The following USB1 variants were observed in gnomAD, a reference collection of about 807,000 sequenced individuals.
The protein encoded by USB1 is U6 snRNA biogenesis phosphodiesterase 1.
A neutral mutation model predicts 29.9 loss-of-function variants in USB1; 21 were observed. The observed-to-expected ratio is 0.70, with a 90% CI of 0.50 to 1.01. The LOEUF is 1.01. Among genes scored for constraint, USB1 ranks in the 50% least tolerant of loss-of-function variants. The pLI, the probability that USB1 is intolerant of heterozygous loss-of-function variation, is 0.00. For synonymous variants in USB1, 143 were observed against 134.9 expected (o/e 1.06, Z -0.42); for missense variants, 330 against 347.1 (o/e 0.95, Z 0.39).
intron 1 of USB1, among the ~76,000 whole-genome samples, chr16:58,001,943 C>G (rs973059775): frequency 8.5e-5 from 13 of 152,208 alleles, no homozygotes; most frequent in African/African-American, 2.9e-4. Context: ...CCTTTTCATT[C>G]ATCCAGTAAA....
chr16:58,006,478 CG>C (rs901775356), intron 2 of USB1, among the ~76,000 whole-genome samples: 4 of 4,516 alleles, frequency 8.9e-4, no homozygotes, highest in East Asian at 0.17. Context: ...GCCAACATGG[CG>C]AAACCCCCAT....
chr16:58,017,794 A>G (rs1281468770), intron 5 of USB1, among the ~76,000 whole-genome samples: 1 of 152,172 alleles, frequency 6.6e-6, no homozygotes, highest in African/African-American at 2.4e-5. Flanking sequence ...GTAGCTTCAC[A>G]CACCTTCCTG....
At chr16:58,007,813 T>C (rs1963396422) in intron 2 of USB1, among the ~76,000 whole-genome samples, 1 of 151,834 alleles carries the variant, frequency 6.6e-6, no homozygotes. Context: ...ACCCTGTCTT[T>C]ACTAAAAAAA....
In USB1 at chr16:58,013,110, C is replaced by A; in HGVS notation, c.450-1163C>A. On this transcript the variant is annotated intron_variant, in intron 3 of 6. Coordinates refer to ENST00000219281, the MANE Select transcript of USB1 (RefSeq NM_024598.4). The surrounding 1 kb of genome is among the most constrained non-coding windows in gnomAD (Gnocchi z 4.3). Reference sequence around the variant, plus strand: ...AGGTGACCAAGAGTGGGCGGTGCACCCCTGATTCTGTTGCTGTGACTGAGG... The same window carrying A: ...AGGTGACCAAGAGTGGGCGGTGCACACCTGATTCTGTTGCTGTGACTGAGG... 1 of 985,472 alleles carries A rather than the reference C, an allele frequency of 1.0e-6. No homozygotes were observed. Among genetic ancestry groups the A allele is most frequent in the Non-Finnish European group, 1.2e-6 (1 of 830,028 alleles). The allele number at this position is 985,472 out of a possible 1,614,324, so 61.0% of individuals were successfully genotyped here.
At chr16:58,004,822 C>A (rs1487914832) in intron 2 of USB1, among the ~76,000 whole-genome samples, 1 of 152,106 alleles carries the variant, frequency 6.6e-6, no homozygotes, top group Non-Finnish European at 1.5e-5. Context: ...AATAAAGACA[C>A]AAGACAAAGA....
chr16:58,008,074 T>C (rs1440728999), intron 2 of USB1, among the ~76,000 whole-genome samples: 1 of 152,252 alleles, frequency 6.6e-6, no homozygotes, highest in Non-Finnish European at 1.5e-5. Context: ...ATCGGGTCTT[T>C]CAAGGAATTG....
chr16:58,018,472 C>T (rs1963668358), intron 5 of USB1, among the ~76,000 whole-genome samples: 1 of 152,106 alleles, frequency 6.6e-6, no homozygotes, highest in Non-Finnish European at 1.5e-5. Context: ...GATCTGCCTG[C>T]CTTGGCCTCT....
At chr16:58,009,112 G>A (rs967919468) in intron 2 of USB1, among the ~76,000 whole-genome samples, 4 of 152,062 alleles carry the variant, frequency 2.6e-5, no homozygotes, top group Admixed American at 2.0e-4. Flanking sequence ...ATTTTTCCTC[G>A]ATAGCTGGAC....
Position 58,001,449 on chromosome 16 carries a change from G to T in USB1, c.-35G>T. ...ACTCCGGGTGCCGGTTGAGGTTGCT[G>T]GTGGACCTGCTCTGGTGGTCTTGGA... On this transcript the variant is annotated 5_prime_UTR_variant, in exon 1 of 7. Coordinates refer to ENST00000219281, the MANE Select transcript of USB1 (RefSeq NM_024598.4). 6.4e-7 allele frequency: 1 copy of T among 1,572,756 alleles called. No individual in the cohort carries two copies. The highest frequency in any genetic ancestry group is 1.2e-5 in the South Asian group (1 of 85,836).
At chr16:58,008,473 T>G (rs1332754601) in intron 2 of USB1, among the ~76,000 whole-genome samples, 3 of 79,376 alleles carry the variant, frequency 3.8e-5, no homozygotes, top group Non-Finnish European at 8.8e-5. Flanking sequence ...TTTTTTTTTG[T>G]GAGGGAGCCT....
chr16:58,001,712 A>G, intron 1 of USB1, 131 bp downstream of exon 1: 2 of 1,082,304 alleles, frequency 1.8e-6, no homozygotes, highest in Non-Finnish European at 2.8e-6. Flanking sequence ...GGACGCAGGA[A>G]GAAAGGAGGA....
At chr16:58,008,641 C>CG (rs1362216119) in intron 2 of USB1, among the ~76,000 whole-genome samples, 1 of 151,812 alleles carries the variant, frequency 6.6e-6, no homozygotes, top group Non-Finnish European at 1.5e-5. Context: ...TTAGTAGAGA[C>CG]GGGGTGTCAC....
rs1446965075 is a variant in USB1, at chr16:58,020,997, T to C, written c.*752T>C. On this transcript the variant is annotated 3_prime_UTR_variant, in exon 7 of 7. Transcript: ENST00000219281. ...TTCACTTCCTCTCCCACTTCAGCAATTTGTATTTTGATGCCATTGGCCTCA... is the reference window on the plus strand; with the variant it reads ...TTCACTTCCTCTCCCACTTCAGCAACTTGTATTTTGATGCCATTGGCCTCA... 6.5e-6 allele frequency: 1 copy of C among 153,588 alleles called. No homozygotes were observed. Among genetic ancestry groups the C allele is most frequent in the Admixed American group, 6.4e-5 (1 of 15,604 alleles). 9.5% of individuals were successfully genotyped at this position (153,588 alleles called of 1,614,324 possible). A position where few individuals can be genotyped will look rare whatever the true frequency, so the allele number is the denominator to read the frequency against.
chr16:58,012,434 C>G, intron 3 of USB1: 1 of 1,257,314 alleles, frequency 8.0e-7, no homozygotes, highest in Non-Finnish European at 1.1e-6. Context: ...CATGAGTGGA[C>G]CGGGGTGACA....
chr16:58,013,297 T>C lies in USB1; in HGVS notation c.450-976T>C, dbSNP rs1370496261. 1.0e-6 allele frequency: 1 copy of C among 985,344 alleles called. No individual in the cohort carries two copies. The highest frequency in any genetic ancestry group is 1.7e-5 in the African/African-American group (1 of 57,244). 61.0% of individuals were successfully genotyped at this position (985,344 alleles called of 1,614,324 possible). A position where few individuals can be genotyped will look rare whatever the true frequency, so the allele number is the denominator to read the frequency against. ...TGGGAGACACCTTGAGAACTCTTCC[T>C]AAAAGCTGCACTTAACCAAGCTCCT... On this transcript the variant is annotated intron_variant, in intron 3 of 6. Transcript: ENST00000219281. This position sits in a 1 kb window ranked among gnomAD's most constrained non-coding sequence, Gnocchi z 4.3.
upstream of USB1, among the ~76,000 whole-genome samples, chr16:58,000,219 G>A (rs189840): frequency 2.4e-4 from 37 of 152,200 alleles, no homozygotes; most frequent in Admixed American, 6.5e-4. The surrounding 1 kb of genome is among the most constrained non-coding windows in gnomAD (Gnocchi z 4.5). Flanking sequence ...AAAGGCCCCA[G>A]GGCTACAGGC....
upstream of USB1, among the ~76,000 whole-genome samples, chr16:58,000,104 C>T (rs1218442629): frequency 6.6e-6 from 1 of 152,298 alleles, no homozygotes. The surrounding 1 kb of genome is among the most constrained non-coding windows in gnomAD (Gnocchi z 4.5). Context: ...CACCTCCCGC[C>T]GGCCCTGCCT....
intron 1 of USB1, 83 bp from the exon 2 acceptor site, chr16:58,002,396 G>C: frequency 6.3e-7 from 1 of 1,594,018 alleles, no homozygotes; most frequent in Non-Finnish European, 8.5e-7. Context: ...CCATATATAA[G>C]GGGTTACAAC....
Position 58,020,192 on chromosome 16 carries a change from G to A in USB1, c.745G>A (p.Glu249Lys), listed in dbSNP as rs756831672. 6 of 1,614,158 alleles carry A rather than the reference G, an allele frequency of 3.7e-6. No individual in the cohort carries two copies. Among genetic ancestry groups the A allele is most frequent in the Non-Finnish European group, 5.1e-6 (6 of 1,180,040 alleles). The change falls in exon 7 of 7, where the codon GAG (glutamate) becomes AAG (lysine). Residue 249 changes from glutamate (E) to lysine (K), a missense_variant. Coordinates refer to ENST00000219281, the MANE Select transcript of USB1 (RefSeq NM_024598.4). ...DAEVLLRVHT[E>K]QVRCKSGNKF... Reference sequence around the variant, plus strand: ...TGAGGTGCTGCTGCGCGTGCACACTGAGCAAGTCCGCTGCAAGTCTGGGAA... The same window carrying A: ...TGAGGTGCTGCTGCGCGTGCACACTAAGCAAGTCCGCTGCAAGTCTGGGAA...
Sources: allele counts gnomAD v4.1 joint callset (sites outside exome capture counted in the v4.1 genomes callset), GRCh38; gene constraint gnomAD v4.1.1; non-coding constraint Gnocchi (gnomAD v3.1); transcripts MANE v1.5; gene names NCBI Gene and HGNC (gene_info 2026-07-23, HGNC 2026-07-21).